EYA3: variants seen among roughly 807,000 people sequenced by gnomAD.
The protein encoded by EYA3 is EYA transcriptional coactivator and phosphatase 3.
A neutral mutation model predicts 80.0 loss-of-function variants in EYA3; 39 were observed. The observed-to-expected ratio is 0.49, with a 90% CI of 0.38 to 0.64. EYA3 has a LOEUF of 0.64. Ranked by LOEUF, EYA3 falls within the 30% of genes least tolerant of loss-of-function variation. EYA3 has a pLI of 0.00. For synonymous variants in EYA3, 206 were observed against 232.8 expected (o/e 0.88, Z 1.05); for missense variants, 523 against 676.1 (o/e 0.77, Z 2.51).
chr1:28,003,721 T>C (rs1303922286), intron 11 of EYA3, among the ~76,000 whole-genome samples: 2 of 152,074 alleles, frequency 1.3e-5, no homozygotes, highest in East Asian at 1.9e-4. Context: ...GTGCAGATAT[T>C]TGTATAAAAT....
intron 6 of EYA3, among the ~76,000 whole-genome samples, chr1:28,029,108 T>C (rs1229546357): frequency 6.6e-6 from 1 of 152,218 alleles, no homozygotes; most frequent in Non-Finnish European, 1.5e-5. Context: ...TAAATCTATC[T>C]CATACTGACA....
At chr1:28,078,359 T>G (rs1045883865) in intron 1 of EYA3, among the ~76,000 whole-genome samples, 1 of 152,208 alleles carries the variant, frequency 6.6e-6, no homozygotes, top group Non-Finnish European at 1.5e-5. Context: ...TTCAAGCTCC[T>G]GAGCAATATA....
chr1:28,030,371 C>T (rs1013675908), intron 6 of EYA3, among the ~76,000 whole-genome samples: 4 of 152,220 alleles, frequency 2.6e-5, no homozygotes, highest in Admixed American at 2.6e-4. Context: ...TAGCTCACTG[C>T]AGCCTCAACC....
chr1:27,982,290 TCCTGGCCACA>T (rs931315168), intron 16 of EYA3, among the ~76,000 whole-genome samples: 10 of 151,436 alleles, frequency 6.6e-5, no homozygotes, highest in Non-Finnish European at 1.5e-5. Flanking sequence ...GAGCCACGGC[TCCTGGCCACA>T]CCTGGCTAAT....
intron 1 of EYA3, among the ~76,000 whole-genome samples, chr1:28,068,784 GTTT>G (rs979655168): frequency 6.6e-6 from 1 of 151,956 alleles, no homozygotes; most frequent in Non-Finnish European, 1.5e-5. Context: ...GATTTACTGG[GTTT>G]TTTTGTTTGT....
chr1:27,982,312 A>T (rs550341042), intron 16 of EYA3, among the ~76,000 whole-genome samples: 45 of 151,962 alleles, frequency 3.0e-4, no homozygotes, highest in African/African-American at 1.0e-3. Flanking sequence ...CTGGCTAATT[A>T]AAAAAATTTT....
chr1:28,014,536 T>C (rs1389930932), intron 8 of EYA3, among the ~76,000 whole-genome samples: 1 of 150,968 alleles, frequency 6.6e-6, no homozygotes, highest in African/African-American at 2.4e-5. Context: ...GAGACCAGCC[T>C]GACCAACATG....
intron 1 of EYA3, among the ~76,000 whole-genome samples, chr1:28,085,629 A>C (rs1645623232): frequency 2.0e-5 from 3 of 152,270 alleles, no homozygotes; most frequent in Admixed American, 2.0e-4. Context: ...GGTAAGCCTA[A>C]AACTAATATG....
chr1:28,016,779 AT>A (rs1271734954), intron 8 of EYA3, among the ~76,000 whole-genome samples: 2 of 152,212 alleles, frequency 1.3e-5, no homozygotes, highest in African/African-American at 2.4e-5. Flanking sequence ...TTCCATAAAT[AT>A]TTATCAAGTG....
At chr1:28,024,767 G>A (rs1467805593) in intron 7 of EYA3, among the ~76,000 whole-genome samples, 1 of 151,896 alleles carries the variant, frequency 6.6e-6, no homozygotes, top group Non-Finnish European at 1.5e-5. Context: ...ACCAAAGATA[G>A]GGCCACATAG....
chr1:28,032,090 C>CACT (rs1185705224), intron 6 of EYA3: 1 of 152,192 alleles, frequency 6.6e-6, no homozygotes, highest in Non-Finnish European at 1.5e-5. Context: ...CAGCATAGCG[C>CACT]ACTACAGCCC....
intron 1 of EYA3, among the ~76,000 whole-genome samples, chr1:28,068,305 C>G (rs1358284230): frequency 6.7e-6 from 1 of 149,568 alleles, no homozygotes; most frequent in Non-Finnish European, 1.5e-5. Context: ...GCACTCCAGC[C>G]TGGGCAACAA....
intron 11 of EYA3, among the ~76,000 whole-genome samples, chr1:28,002,134 C>T (rs1187024464): frequency 6.6e-6 from 1 of 151,934 alleles, no homozygotes; most frequent in Non-Finnish European, 1.5e-5. Context: ...AGGCTGGTCT[C>T]GAACTCCTGA....
intron 16 of EYA3, among the ~76,000 whole-genome samples, chr1:27,980,853 AC>A (rs1312893796): frequency 4.6e-5 from 7 of 152,216 alleles, no homozygotes; most frequent in African/African-American, 1.7e-4. Context: ...AGCTTGGGCA[AC>A]ACAGTGGGAC....
intron 1 of EYA3, among the ~76,000 whole-genome samples, chr1:28,060,875 G>T (rs1341012078): frequency 6.6e-6 from 1 of 152,146 alleles, no homozygotes; most frequent in Non-Finnish European, 1.5e-5. Context: ...TTAGCTGGGC[G>T]TGGTGGCGCA....
intron 11 of EYA3, among the ~76,000 whole-genome samples, 175 bp from the exon 12 acceptor site, chr1:28,000,224 G>C (rs1640731309): frequency 6.6e-6 from 1 of 152,196 alleles, no homozygotes; most frequent in African/African-American, 2.4e-5. Context: ...TTGTAAAATA[G>C]AGAAGATATG....
chr1:27,977,130 C>T, intron 17 of EYA3: 1 of 1,407,072 alleles, frequency 7.1e-7, no homozygotes, highest in Non-Finnish European at 9.2e-7. Context: ...AACATTGATG[C>T]CTACACCCAC....
chr1:28,085,699 A>G (rs1645626225), intron 1 of EYA3, among the ~76,000 whole-genome samples: 1 of 152,212 alleles, frequency 6.6e-6, no homozygotes, highest in South Asian at 2.1e-4. Flanking sequence ...ATTTTTGTAG[A>G]AAATCAACGG....
chr1:28,080,674 AT>A (rs1304745907), intron 1 of EYA3, among the ~76,000 whole-genome samples: 1 of 151,728 alleles, frequency 6.6e-6, no homozygotes, highest in South Asian at 2.1e-4. Flanking sequence ...AAAAAAAAAA[AT>A]GGCCAGTCAA....
Sources: allele counts gnomAD v4.1 joint callset (sites outside exome capture counted in the v4.1 genomes callset), GRCh38; gene constraint gnomAD v4.1.1; transcripts MANE v1.5; gene names NCBI Gene and HGNC (gene_info 2026-07-23, HGNC 2026-07-21).